The following HPCAL1 variants were observed in gnomAD, a reference collection of about 807,000 sequenced individuals.
HPCAL1 encodes the protein hippocalcin-like protein 1.
HPCAL1 carries 8 observed loss-of-function variants against 17.1 expected under a neutral mutation model. The observed-to-expected ratio is 0.47, with a 90% CI of 0.27 to 0.84. HPCAL1 has a LOEUF of 0.84. Among genes scored for constraint, HPCAL1 ranks in the 40% least tolerant of loss-of-function variants. HPCAL1 has a pLI of 0.13. For synonymous variants in HPCAL1, 112 were observed against 111.4 expected (o/e 1.01, Z -0.03); for missense variants, 165 against 271.1 (o/e 0.61, Z 2.75).
At chr2:10,421,291 C>T (rs1042037601) in intron 3 of HPCAL1, among the ~76,000 whole-genome samples, 7 of 152,202 alleles carry the variant, frequency 4.6e-5, no homozygotes, top group African/African-American at 1.7e-4. Context: ...AGCAGAAAGG[C>T]CATGTTTCAG....
At chr2:10,422,943 C>T in intron 3 of HPCAL1, 40 bp from the exon 4 acceptor site, 2 of 1,470,952 alleles carry the variant, frequency 1.4e-6, no homozygotes, top group Non-Finnish European at 1.9e-6. Flanking sequence ...CGCCCAAGCC[C>T]CCGGGCCTCT....
rs1668985440 is a variant in HPCAL1 at position 10,395,788 on chromosome 2, T to C, written c.-110-1047T>C. ...TAATTAGCTCCTGTAAGCCTCCATT[T>C]TTCCCCGTCTGTCAAATGGGGATGA... On this transcript the variant is annotated intron_variant, in intron 1 of 4. Transcript: ENST00000307845. The surrounding 1 kb of genome is among the most constrained non-coding windows in gnomAD (Gnocchi z 4.4). Among the ~76,000 whole-genome samples the C allele has an allele frequency of 6.6e-6, 1 of 152,130 alleles. No homozygotes were observed. Among genetic ancestry groups the C allele is most frequent in the Admixed American group, 6.5e-5 (1 of 15,272 alleles).
At chr2:10,403,347 T>C (rs977022317) in intron 2 of HPCAL1, among the ~76,000 whole-genome samples, 1 of 151,904 alleles carries the variant, frequency 6.6e-6, no homozygotes, top group Non-Finnish European at 1.5e-5. Context: ...TATTGGACCC[T>C]GATGAGGAAA....
Position 10,344,770 on chromosome 2 carries a change from T to G in HPCAL1, c.-111+41593T>G, listed in dbSNP as rs1665305101. On this transcript the variant is annotated intron_variant, in intron 1 of 4. Coordinates refer to ENST00000307845, the MANE Select transcript of HPCAL1 (RefSeq NM_002149.4). The surrounding 1 kb of genome is among the most constrained non-coding windows in gnomAD (Gnocchi z 4.9). ...TTCTCTCTCCCTCTTTCTGTGTGTG[T>G]CTCTCTCTGTGCCTGACTTTCTGTC... Among the ~76,000 whole-genome samples, 2 of 152,166 alleles carry G rather than the reference T, an allele frequency of 1.3e-5. No individual in the cohort carries two copies.
In HPCAL1 at chr2:10,351,524, G is replaced by A. The variant is rs575195462; in HGVS notation, c.-110-45311G>A. On this transcript the variant is annotated intron_variant, in intron 1 of 4. Transcript: ENST00000307845. ...AATAATCATTGCACTTTGGGAGGCTGAGTCAGGAGGACTGCTTGAGCTCAG... is the reference window on the plus strand; with the variant it reads ...AATAATCATTGCACTTTGGGAGGCTAAGTCAGGAGGACTGCTTGAGCTCAG... Among the ~76,000 whole-genome samples, 10 of 152,270 alleles carry A rather than the reference G, an allele frequency of 6.6e-5. No individual in the cohort carries two copies. The South Asian group carries it at 1.7e-3, about 25-fold the overall frequency.
rs55678486 is a variant in HPCAL1 at position 10,395,113 on chromosome 2, A to AACACACACACACACAC, written c.-110-1691_-110-1676dup. Among the ~76,000 whole-genome samples, 4 of 138,462 alleles carry AACACACACACACACAC rather than the reference A, an allele frequency of 2.9e-5. No homozygotes were observed. Among genetic ancestry groups the AACACACACACACACAC allele is most frequent in the South Asian group, 4.9e-4 (2 of 4,080 alleles). The allele number at this position is 138,462 out of a possible 152,430, so 90.8% of individuals were successfully genotyped here. On this transcript the variant is annotated intron_variant, in intron 1 of 4. Coordinates refer to ENST00000307845, the MANE Select transcript of HPCAL1 (RefSeq NM_002149.4). This position sits in a 1 kb window ranked among gnomAD's most constrained non-coding sequence, Gnocchi z 4.4. ...TGTCCAGCCTAAAATCTATCTTTAA[A>AACACACACACACACAC]ACACACACACACACACACACACACA...
chr2:10,388,858 G>A (rs1668501282), intron 1 of HPCAL1, among the ~76,000 whole-genome samples: 1 of 152,164 alleles, frequency 6.6e-6, no homozygotes, highest in African/African-American at 2.4e-5. Flanking sequence ...CCAAATTCCT[G>A]TGCTGAGACC....
At position 10,365,868 on chromosome 2, in the gene HPCAL1, T is replaced by C. The variant is rs1409337416; in HGVS notation, c.-110-30967T>C. Reference sequence around the variant, plus strand: ...CTCTCTGTGAGCGAGCCTCGCCTGCTGGGTGCTGAGCCCACACCGCATGTC... The same window carrying C: ...CTCTCTGTGAGCGAGCCTCGCCTGCCGGGTGCTGAGCCCACACCGCATGTC... On this transcript the variant is annotated intron_variant, in intron 1 of 4. Transcript: ENST00000307845. The surrounding 1 kb of genome is among the most constrained non-coding windows in gnomAD (Gnocchi z 4.8). Among the ~76,000 whole-genome samples, 2 of 152,178 alleles carry C rather than the reference T, an allele frequency of 1.3e-5. No homozygotes were observed. Among genetic ancestry groups the C allele is most frequent in the African/African-American group, 2.4e-5 (1 of 41,416 alleles).
chr2:10,355,190 G>A (rs1056722193), intron 1 of HPCAL1, among the ~76,000 whole-genome samples: 3 of 152,098 alleles, frequency 2.0e-5, no homozygotes, highest in South Asian at 4.1e-4. Flanking sequence ...GGTGGCTCAC[G>A]CCTGTAATCC....
At chr2:10,350,460 T>C (rs576224862) in intron 1 of HPCAL1, among the ~76,000 whole-genome samples, 27 of 152,080 alleles carry the variant, frequency 1.8e-4, no homozygotes, top group African/African-American at 6.3e-4. Flanking sequence ...ATTAGGTGCA[T>C]GCCACCATGC....
At chr2:10,351,942 G>A (rs1665869511) in intron 1 of HPCAL1, among the ~76,000 whole-genome samples, 2 of 137,444 alleles carry the variant, frequency 1.5e-5, no homozygotes, top group Admixed American at 1.5e-4. Context: ...TCTCACTCTT[G>A]CCCAGGCTGG....
At chr2:10,391,146 C>T (rs549965440) in intron 1 of HPCAL1, among the ~76,000 whole-genome samples, 2 of 152,340 alleles carry the variant, frequency 1.3e-5, no homozygotes, top group South Asian at 4.1e-4. Flanking sequence ...GTTTGCAGGG[C>T]CTGCTGGGGA....
In HPCAL1 at chr2:10,367,659, G is replaced by A. The variant is rs1238991706; in HGVS notation, c.-110-29176G>A. On this transcript the variant is annotated intron_variant, in intron 1 of 4. Transcript: ENST00000307845. This position sits in a 1 kb window ranked among gnomAD's most constrained non-coding sequence, Gnocchi z 4.4. ...TTCCTTGCAAAAATTTGTCGAAAGT[G>A]CCAGAAAAGCCCTTGTCCCATATCA... Among the ~76,000 whole-genome samples, 1 of 152,172 alleles carries A rather than the reference G, an allele frequency of 6.6e-6. No homozygotes were observed. The highest frequency in any genetic ancestry group is 1.5e-5 in the Non-Finnish European group (1 of 68,026).
chr2:10,406,411 G>T (rs553022710), intron 2 of HPCAL1: 1 of 152,322 alleles, frequency 6.6e-6, no homozygotes, highest in Non-Finnish European at 1.5e-5. Flanking sequence ...TGTGTGGGGG[G>T]TCACTTCAAG....
At chr2:10,322,956 G>A (rs1199617462) in intron 1 of HPCAL1, among the ~76,000 whole-genome samples, 1 of 152,158 alleles carries the variant, frequency 6.6e-6, no homozygotes, top group Non-Finnish European at 1.5e-5. Context: ...GATCCCTGGG[G>A]GCTCTTGACA....
chr2:10,365,199 A>G lies in HPCAL1; in HGVS notation c.-110-31636A>G, dbSNP rs545596988. Among the ~76,000 whole-genome samples, 8 of 152,192 alleles carry G rather than the reference A, an allele frequency of 5.3e-5. No individual in the cohort carries two copies. Among genetic ancestry groups the G allele is most frequent in the Non-Finnish European group, 1.0e-4 (7 of 68,036 alleles). On this transcript the variant is annotated intron_variant, in intron 1 of 4. Coordinates refer to ENST00000307845, the MANE Select transcript of HPCAL1 (RefSeq NM_002149.4). The surrounding 1 kb of genome is among the most constrained non-coding windows in gnomAD (Gnocchi z 4.8). The stretch of plus-strand genomic sequence containing the variant: ...CGGAAGGAGAAATGGAGGCCGCCAG[A>G]GAGGTCTAGGCCTCCGACCCTGACC...
At chr2:10,392,217 A>G (rs922311621) in intron 1 of HPCAL1, among the ~76,000 whole-genome samples, 1 of 150,490 alleles carries the variant, frequency 6.6e-6, no homozygotes, top group Non-Finnish European at 1.5e-5. Flanking sequence ...TTGTTTATTT[A>G]TTTAGTAGCG....
At position 10,424,688 on chromosome 2, in the gene HPCAL1, A is replaced by G. The variant is rs879010189; in HGVS notation, c.484+1600A>G. ...ATGGAGCACTTCCTCCTGTGAGCCC[A>G]GGGGACCCGCCTGTCCCTGGAGCTT... is the stretch of plus-strand genomic sequence containing the variant. On this transcript the variant is annotated intron_variant, in intron 4 of 4. Transcript: ENST00000307845. 7.5e-5 allele frequency: 33 copies of G among 439,334 alleles called. No individual in the cohort carries two copies. The Middle Eastern group carries it at 4.1e-3, about 54-fold the overall frequency. The allele number at this position is 439,334 out of a possible 1,614,324, so 27.2% of individuals were successfully genotyped here.
chr2:10,391,883 G>T (rs1668715566), intron 1 of HPCAL1, among the ~76,000 whole-genome samples: 1 of 152,164 alleles, frequency 6.6e-6, no homozygotes, highest in Admixed American at 6.5e-5. Flanking sequence ...GGAGTAGCTG[G>T]GATTACAGGC....
Sources: gnomAD v4.1 joint callset for allele counts (sites outside exome capture counted in the v4.1 genomes callset) on GRCh38, gnomAD v4.1.1 for gene constraint, Gnocchi (gnomAD v3.1) non-coding constraint, MANE v1.5 for transcripts, NCBI Gene and HGNC (gene_info 2026-07-23, HGNC 2026-07-21) for gene names.